CDH13: variants seen among roughly 807,000 people sequenced by gnomAD.
CDH13 encodes cadherin-13.
A neutral mutation model predicts 63.8 loss-of-function variants in CDH13; 24 were observed. The ratio of observed to expected loss-of-function variants is 0.38; its 90% CI spans 0.27 to 0.53. The LOEUF is 0.53. Among genes scored for constraint, CDH13 ranks in the 20% least tolerant of loss-of-function variants. The pLI is 0.85. For missense variants in CDH13, 1,049 were observed against 903.1 expected, an observed-to-expected ratio of 1.16 and a Z score of -2.07; for synonymous variants, 503 against 355.3, an observed-to-expected ratio of 1.42 and a Z score of -4.67.
intron 2 of CDH13, among the ~76,000 whole-genome samples, chr16:82,871,928 A>G (rs1259722064): frequency 1.3e-5 from 2 of 152,188 alleles, no homozygotes; most frequent in African/African-American, 4.8e-5. Flanking sequence ...GTTCCAGCAA[A>G]TATCTCAAGG....
At chr16:83,562,882 A>G (rs1244095583) in intron 7 of CDH13, among the ~76,000 whole-genome samples, 2 of 152,234 alleles carry the variant, frequency 1.3e-5, no homozygotes, top group East Asian at 3.8e-4. Context: ...GACCCTGAGT[A>G]CTGTAGATTT....
intron 2 of CDH13, among the ~76,000 whole-genome samples, chr16:82,997,125 G>A (rs373821580): frequency 7.1e-6 from 1 of 140,894 alleles, no homozygotes; most frequent in Admixed American, 6.9e-5. Context: ...GATGCTGATG[G>A]TGGTGATGGT....
chr16:82,954,485 C>G (rs1292942490), intron 2 of CDH13: 1 of 152,156 alleles, frequency 6.6e-6, no homozygotes, highest in Non-Finnish European at 1.5e-5. Context: ...GTTGAAATAA[C>G]TTATCCAGAG....
chr16:83,306,419 A>G (rs139835101), intron 5 of CDH13, among the ~76,000 whole-genome samples: 158 of 152,172 alleles, frequency 1.0e-3, no homozygotes, highest in African/African-American at 3.7e-3. Flanking sequence ...GCCCAGATTC[A>G]TTCTTGTGGG....
At chr16:83,291,844 A>G (rs1216093732) in intron 5 of CDH13, among the ~76,000 whole-genome samples, 1 of 152,192 alleles carries the variant, frequency 6.6e-6, no homozygotes, top group African/African-American at 2.4e-5. Context: ...GGTCTCTTAC[A>G]TATTGAAAAA....
rs1370009229 is a variant in CDH13, at chr16:83,780,210, G to A, written c.1915+9G>A. The A allele has an allele frequency of 8.4e-6, 13 of 1,543,728 alleles. No homozygotes were observed. The highest frequency in any genetic ancestry group is 1.2e-5 in the Non-Finnish European group (13 of 1,129,684). The stretch of plus-strand genomic sequence containing the variant: ...GATCTCCAAGATCAACAGTAAGTCT[G>A]GCTAAAGCATTTCTGCCTATTCTTC... On this transcript the variant is annotated intron_variant, in intron 12 of 13. Transcript: ENST00000567109.
At chr16:83,732,290 G>T (rs1172016950) in intron 10 of CDH13, among the ~76,000 whole-genome samples, 1 of 152,188 alleles carries the variant, frequency 6.6e-6, no homozygotes, top group African/African-American at 2.4e-5. Context: ...GGAGGGAGAT[G>T]ATGTGTGATC....
intron 1 of CDH13, among the ~76,000 whole-genome samples, chr16:82,840,805 G>A (rs2038978816): frequency 6.6e-6 from 1 of 152,112 alleles, no homozygotes; most frequent in African/African-American, 2.4e-5. Flanking sequence ...CATTTTAATG[G>A]TGTTGGCCGT....
chr16:83,414,068 T>C (rs896584131), intron 6 of CDH13, among the ~76,000 whole-genome samples: 1 of 152,202 alleles, frequency 6.6e-6, no homozygotes, highest in Non-Finnish European at 1.5e-5. Context: ...TTGATTCTTT[T>C]ACTTCCCTAA....
chr16:83,226,086 T>C (rs915554639), intron 5 of CDH13, among the ~76,000 whole-genome samples: 8 of 152,208 alleles, frequency 5.3e-5, no homozygotes, highest in African/African-American at 1.7e-4. Flanking sequence ...TTCTGAGTGC[T>C]TGTGAAAAAA....
intron 5 of CDH13, among the ~76,000 whole-genome samples, chr16:83,272,322 C>G (rs1486865189): frequency 6.6e-6 from 1 of 152,170 alleles, no homozygotes; most frequent in East Asian, 1.9e-4. Flanking sequence ...AATGCTTGTT[C>G]TTGCTACATA....
At chr16:82,711,568 C>G (rs2031947878) in intron 1 of CDH13, among the ~76,000 whole-genome samples, 1 of 152,192 alleles carries the variant, frequency 6.6e-6, no homozygotes, top group African/African-American at 2.4e-5. Flanking sequence ...TTAATTCCAA[C>G]ATAGACCTAC....
chr16:83,603,091 G>T (rs1268576146), intron 8 of CDH13, among the ~76,000 whole-genome samples: 1 of 152,170 alleles, frequency 6.6e-6, no homozygotes, highest in Non-Finnish European at 1.5e-5. Context: ...CTCAGTCCCT[G>T]TGCTTTTATG....
intron 1 of CDH13, chr16:82,825,496 A>C (rs909180876): frequency 6.6e-6 from 1 of 152,100 alleles, no homozygotes. Flanking sequence ...GTGAGAACTG[A>C]AATCTTCTTG....
chr16:83,744,085 A>T lies in CDH13; in HGVS notation c.1539-4023A>T, dbSNP rs150705816. On this transcript the variant is annotated intron_variant, in intron 10 of 13. Coordinates refer to ENST00000567109, the MANE Select transcript of CDH13 (RefSeq NM_001257.5). ...CATCAGGTTGTCATGAGTCACAAAA[A>T]TAAATGTAGTGATGCTCTTAAAGGG... 1.4e-3 allele frequency among the ~76,000 whole-genome samples: 216 copies of T among 152,266 alleles called. 1 individual carries two copies. Among genetic ancestry groups the T allele is most frequent in the African/African-American group, 5.0e-3 (207 of 41,552 alleles).
rs1273111731 is a variant in CDH13, at chr16:83,783,487, C to T, written c.2134+15C>T. ...CAGCTTAGCTTGTAAGTTGACCTAA[C>T]TCCAGTGCATGCACAAACAGGAAAT... On this transcript the variant is annotated intron_variant, in intron 13 of 13. Transcript: ENST00000567109. 1.2e-6 allele frequency: 2 copies of T among 1,600,326 alleles called. No homozygotes were observed. The highest frequency in any genetic ancestry group is 2.2e-5 in the East Asian group (1 of 44,818).
At chr16:83,762,617 A>C (rs1914066619) in intron 11 of CDH13, among the ~76,000 whole-genome samples, 1 of 152,146 alleles carries the variant, frequency 6.6e-6, no homozygotes, top group Non-Finnish European at 1.5e-5. Context: ...ATTTCTCGTA[A>C]GGGTTCTGGA....
At position 83,543,175 on chromosome 16, in the gene CDH13, G is replaced by T. The variant is rs1363448224; in HGVS notation, c.960+56520G>T. On this transcript the variant is annotated intron_variant, in intron 7 of 13. Coordinates refer to ENST00000567109, the MANE Select transcript of CDH13 (RefSeq NM_001257.5). ...AATATTCTTTCCACACAGCAATTTGGCCTGCATAAAAGACTTCGATATTTT... is the reference window on the plus strand; with the variant it reads ...AATATTCTTTCCACACAGCAATTTGTCCTGCATAAAAGACTTCGATATTTT... Among the ~76,000 whole-genome samples, 3 of 152,212 alleles carry T rather than the reference G, an allele frequency of 2.0e-5. No homozygotes were observed. The South Asian group carries it at 6.2e-4, about 32-fold the overall frequency.
intron 7 of CDH13, among the ~76,000 whole-genome samples, chr16:83,539,796 C>T (rs898414981): frequency 7.9e-5 from 12 of 152,298 alleles, no homozygotes; most frequent in Non-Finnish European, 1.6e-4. Context: ...CTTATTCACT[C>T]TGTGTGGCCC....
Sources: gnomAD v4.1 joint callset for allele counts (sites outside exome capture counted in the v4.1 genomes callset) on GRCh38, gnomAD v4.1.1 for gene constraint, MANE v1.5 for transcripts, NCBI Gene and HGNC (gene_info 2026-07-23, HGNC 2026-07-21) for gene names.